SORCS3: variants seen among roughly 807,000 people sequenced by gnomAD.
SORCS3 encodes the protein sortilin related VPS10 domain containing receptor 3.
SORCS3 carries 57 observed loss-of-function variants against 146.3 expected under a neutral mutation model. The ratio of observed to expected loss-of-function variants is 0.39; its 90% CI spans 0.31 to 0.49. The LOEUF (loss-of-function observed/expected upper bound fraction) is 0.49, where lower values mean the gene tolerates loss of function less well. Among genes scored for constraint, SORCS3 ranks in the 20% least tolerant of loss-of-function variants. The probability of loss-of-function intolerance (pLI) is 0.92; values close to 1 mark genes in which losing one functional copy is unlikely to be tolerated. For missense variants in SORCS3, 1,341 were observed against 1,575.5 expected (o/e 0.85, Z 2.52); for synonymous variants, 653 against 618.5 (o/e 1.06, Z -0.83).
intron 5 of SORCS3, among the ~76,000 whole-genome samples, chr10:105,074,406 G>T (rs790741): frequency 6.6e-6 from 1 of 152,068 alleles, no homozygotes; most frequent in Non-Finnish European, 1.5e-5. Flanking sequence ...TGCCAGTTTC[G>T]TGCTAGGAGG....
In SORCS3 at chr10:104,828,596, C is replaced by T. The variant is rs575581354; in HGVS notation, c.628-14196C>T. Among the ~76,000 whole-genome samples, 4 of 152,228 alleles carry T rather than the reference C, an allele frequency of 2.6e-5. No homozygotes were observed. The East Asian group carries it at 5.8e-4, about 22-fold the overall frequency. On this transcript the variant is annotated intron_variant, in intron 1 of 26. Transcript: ENST00000369701. The stretch of plus-strand genomic sequence containing the variant: ...GTGACGCAGGGACACAAGGTGGGCA[C>T]ATGCTGTTGGAAACATGGTTCCAAC...
intron 1 of SORCS3, among the ~76,000 whole-genome samples, chr10:104,797,961 C>T (rs1490533261): frequency 6.6e-6 from 1 of 152,176 alleles, no homozygotes; most frequent in East Asian, 1.9e-4. Context: ...AGTGAGGCCT[C>T]ATCATAAGTC....
chr10:104,689,328 G>A (rs2016086083), intron 1 of SORCS3, among the ~76,000 whole-genome samples: 1 of 152,138 alleles, frequency 6.6e-6, no homozygotes, highest in South Asian at 2.1e-4. Context: ...TGGCCAACTT[G>A]GCCTTCAGGA....
At chr10:104,708,400 G>T (rs529493658) in intron 1 of SORCS3, among the ~76,000 whole-genome samples, 1 of 152,246 alleles carries the variant, frequency 6.6e-6, no homozygotes, top group South Asian at 2.1e-4. Flanking sequence ...CTTAGTCCTG[G>T]CCCTCCTTTC....
At chr10:104,735,456 G>GCTTTTTTTTTTTTTTTTTTTTTTTTT (rs2016757194) in intron 1 of SORCS3, among the ~76,000 whole-genome samples, 1 of 34,994 alleles carries the variant, frequency 2.9e-5, no homozygotes. Context: ...CTCACCGTCT[G>GCTTTTTTTTTTTTTTTTTTTTTTTTT]TTTTTTTTTT....
chr10:104,931,360 T>C (rs537975972), intron 3 of SORCS3, among the ~76,000 whole-genome samples: 1 of 152,274 alleles, frequency 6.6e-6, no homozygotes, highest in African/African-American at 2.4e-5. Context: ...TTTGAGATTC[T>C]CTTATCTTTG....
intron 3 of SORCS3, among the ~76,000 whole-genome samples, chr10:104,923,315 T>C (rs1441359842): frequency 1.3e-5 from 2 of 152,228 alleles, no homozygotes; most frequent in Non-Finnish European, 2.9e-5. Context: ...CTTAGTTATA[T>C]GACTACATGT....
chr10:105,159,353 G>T (rs1490176780), intron 11 of SORCS3, among the ~76,000 whole-genome samples: 2 of 152,184 alleles, frequency 1.3e-5, no homozygotes, highest in Non-Finnish European at 2.9e-5. Flanking sequence ...GATGTAAGTT[G>T]GGGTAGTTTT....
intron 1 of SORCS3, among the ~76,000 whole-genome samples, chr10:104,671,407 T>C (rs1206085457): frequency 7.3e-6 from 1 of 136,282 alleles, no homozygotes; most frequent in East Asian, 2.6e-4. Flanking sequence ...CAATCTCAGC[T>C]CATTGCAACC....
intron 1 of SORCS3, among the ~76,000 whole-genome samples, chr10:104,788,246 T>C (rs924206267): frequency 2.5e-4 from 38 of 152,140 alleles, no homozygotes; most frequent in Non-Finnish European, 5.4e-4. Flanking sequence ...TATTGTTGCA[T>C]TGTGGGTTCT....
chr10:104,915,997 G>A (rs2133600337), intron 3 of SORCS3, 65 bp downstream of exon 3: 4 of 1,277,176 alleles, frequency 3.1e-6, no homozygotes, highest in East Asian at 4.7e-5. Flanking sequence ...TAGGGCCAGA[G>A]GTTAAGGAAA....
intron 1 of SORCS3, among the ~76,000 whole-genome samples, chr10:104,643,707 A>AGG (rs374440023): frequency 0.13 from 15,769 of 119,062 alleles, 1,070 homozygotes; most frequent in Middle Eastern, 0.19. Context: ...TTTGATAATT[A>AGG]GGGTGTGTGT....
chr10:105,214,122 C>T (rs2056650806), intron 17 of SORCS3, among the ~76,000 whole-genome samples: 1 of 152,098 alleles, frequency 6.6e-6, no homozygotes, highest in Non-Finnish European at 1.5e-5. Context: ...ATGAGTCTGC[C>T]TCCTCTTTTG....
chr10:105,179,924 A>G (rs146698869), intron 14 of SORCS3, among the ~76,000 whole-genome samples: 1 of 152,312 alleles, frequency 6.6e-6, no homozygotes, highest in African/African-American at 2.4e-5. Context: ...TCATTCAAAT[A>G]CTGTGTATCC....
At chr10:104,888,160 C>T (rs61309330) in intron 2 of SORCS3, among the ~76,000 whole-genome samples, 73,947 of 152,090 alleles carry the variant, frequency 0.49, 21,371 homozygotes, top group African/African-American at 0.82. Flanking sequence ...TTCCCCTTAC[C>T]TTTACTTTTT....
intron 19 of SORCS3, 137 bp from the exon 20 acceptor site, chr10:105,222,979 C>G (rs2119670435): frequency 1.2e-6 from 1 of 863,176 alleles, no homozygotes; most frequent in Non-Finnish European, 1.7e-6. Flanking sequence ...ATACACACCT[C>G]CCAATGTATA....
chr10:104,723,643 C>A (rs2016581214), intron 1 of SORCS3, among the ~76,000 whole-genome samples: 1 of 152,146 alleles, frequency 6.6e-6, no homozygotes, highest in African/African-American at 2.4e-5. Context: ...TAAGGACTTG[C>A]TTTATGAATC....
chr10:104,753,026 C>T (rs2017007293), intron 1 of SORCS3, among the ~76,000 whole-genome samples: 1 of 152,170 alleles, frequency 6.6e-6, no homozygotes, highest in Non-Finnish European at 1.5e-5. Context: ...GGGACTTTGG[C>T]TTCAAAAGTA....
At chr10:104,858,444 G>C (rs1483979268) in intron 2 of SORCS3, among the ~76,000 whole-genome samples, 1 of 152,120 alleles carries the variant, frequency 6.6e-6, no homozygotes, top group Admixed American at 6.5e-5. Context: ...GTATTCATCT[G>C]TTTTGGAGAT....
Sources: allele counts gnomAD v4.1 joint callset (sites outside exome capture counted in the v4.1 genomes callset), GRCh38; gene constraint gnomAD v4.1.1; transcripts MANE v1.5; gene names NCBI Gene and HGNC (gene_info 2026-07-23, HGNC 2026-07-21).